The following GLI2 variants were observed in gnomAD, a reference collection of about 807,000 sequenced individuals.
GLI2 encodes the protein GLI family zinc finger 2, also known as transcription activator GLI2.
In GLI2, 22 loss-of-function variants were observed where a neutral mutation model predicts 78.9. The ratio of observed to expected loss-of-function variants is 0.28; its 90% CI spans 0.20 to 0.40. The LOEUF is 0.40. Ranked by LOEUF, GLI2 falls within the 10% of genes least tolerant of loss-of-function variation. The pLI is 1.00. For synonymous variants in GLI2, 974 were observed against 963.7 expected, an observed-to-expected ratio of 1.01 and a Z score of -0.20; for missense variants, 2,097 against 2,213.2, an observed-to-expected ratio of 0.95 and a Z score of 1.05.
intron 5 of GLI2, among the ~76,000 whole-genome samples, chr2:120,963,517 T>G (rs1054021230): frequency 6.6e-6 from 1 of 150,850 alleles, no homozygotes; most frequent in Admixed American, 6.6e-5. Context: ...CCACCTGGGG[T>G]GTGTGTGTAT....
intron 7 of GLI2, among the ~76,000 whole-genome samples, chr2:120,971,303 C>T (rs1440831652): frequency 2.0e-5 from 3 of 152,256 alleles, no homozygotes; most frequent in Non-Finnish European, 4.4e-5. Flanking sequence ...GCACTGACAA[C>T]GACAATGCCA....
intron 2 of GLI2, among the ~76,000 whole-genome samples, chr2:120,799,549 G>A (rs56379531): frequency 3.9e-5 from 6 of 152,308 alleles, no homozygotes; most frequent in Admixed American, 1.3e-4. Flanking sequence ...CCTGCGTGGC[G>A]CAAAGCAGGG....
chr2:120,965,838 T>C (rs1681825639), intron 5 of GLI2, among the ~76,000 whole-genome samples: 1 of 152,204 alleles, frequency 6.6e-6, no homozygotes, highest in South Asian at 2.1e-4. Context: ...GCAGGTGACC[T>C]AGGATCCTTC....
At chr2:120,935,876 T>C (rs1282528579) in intron 3 of GLI2, among the ~76,000 whole-genome samples, 1 of 152,176 alleles carries the variant, frequency 6.6e-6, no homozygotes, top group Admixed American at 6.5e-5. Flanking sequence ...TCTTTGATCT[T>C]TACTGAACGC....
intron 2 of GLI2, among the ~76,000 whole-genome samples, chr2:120,839,956 T>C (rs1033150273): frequency 7.9e-5 from 12 of 152,236 alleles, no homozygotes; most frequent in African/African-American, 2.9e-4. Flanking sequence ...TACAGGTTTC[T>C]TTTATAATGA....
At position 120,990,551 on chromosome 2, in the gene GLI2, C is replaced by A. The variant is rs776523101; in HGVS notation, c.4586C>A (p.Thr1529Asn). The change falls in exon 14 of 14, where the codon ACC becomes AAC. Residue 1529 changes from threonine to asparagine, a missense_variant. This residue lies in a region of GLI2 where 1,290 missense variants were observed against 1,261.7 expected (regional missense o/e 1.02). Transcript: ENST00000361492. ...TCCCAGAACTCCTCCCGCCTCACCA[C>A]CCCCCGAAACTCCTTGACCCTGCCC... ...SLSQNSSRLT[T>N]PRNSLTLPSI... 1.9e-6 allele frequency: 3 copies of A among 1,614,014 alleles called. No individual in the cohort carries two copies. The highest frequency in any genetic ancestry group is 2.2e-5 in the East Asian group (1 of 44,842).
chr2:120,749,171 T>C (rs923317235), intron 1 of GLI2, among the ~76,000 whole-genome samples: 1 of 152,254 alleles, frequency 6.6e-6, no homozygotes, highest in East Asian at 1.9e-4. Context: ...TGCCATTGTC[T>C]GTTTATTTGT....
At chr2:120,765,316 A>C (rs1573355847) in intron 1 of GLI2, among the ~76,000 whole-genome samples, 1 of 152,226 alleles carries the variant, frequency 6.6e-6, no homozygotes, top group Non-Finnish European at 1.5e-5. Flanking sequence ...TTCTAAGGAC[A>C]GGGTCTCCCT....
At chr2:120,755,266 ATAGT>A (rs1295675937) in intron 1 of GLI2, among the ~76,000 whole-genome samples, 2 of 152,228 alleles carry the variant, frequency 1.3e-5, no homozygotes, top group Non-Finnish European at 2.9e-5. Flanking sequence ...AATACTTGCA[ATAGT>A]TAGTCTTTTG....
rs56994654 is a variant in GLI2, at chr2:120,800,630, C to CG, written c.148+3162_148+3163insG. Among the ~76,000 whole-genome samples, 78,883 of 151,468 alleles carry CG rather than the reference C, an allele frequency of 0.52. 22,381 individuals carry two copies. The highest frequency in any genetic ancestry group is 0.7 in the South Asian group (3,345 of 4,790). ...ACGCCATTCTCCTGCCTCAGCCTCCCAGTAGCTGGGACTACAGGCACCCGC... is the reference window on the plus strand; with the variant it reads ...ACGCCATTCTCCTGCCTCAGCCTCCCGAGTAGCTGGGACTACAGGCACCCGC... On this transcript the variant is annotated intron_variant, in intron 2 of 13. Coordinates refer to ENST00000361492, the MANE Select transcript of GLI2 (RefSeq NM_001374353.1). The surrounding 1 kb of genome is among the most constrained non-coding windows in gnomAD (Gnocchi z 4.1).
At chr2:120,829,294 G>A (rs797006186) in intron 2 of GLI2, among the ~76,000 whole-genome samples, 2 of 152,186 alleles carry the variant, frequency 1.3e-5, no homozygotes, top group African/African-American at 4.8e-5. Context: ...TTCCATAAAC[G>A]ATCTCTTTCC....
chr2:120,796,727 C>T (rs926471718), intron 1 of GLI2, among the ~76,000 whole-genome samples: 72 of 152,244 alleles, frequency 4.7e-4, no homozygotes, highest in African/African-American at 1.6e-3. Context: ...CATATTGTAT[C>T]TTCCGCACCA....
chr2:120,919,625 G>A (rs1052189256), intron 2 of GLI2, among the ~76,000 whole-genome samples: 3 of 152,252 alleles, frequency 2.0e-5, no homozygotes, highest in Non-Finnish European at 4.4e-5. Flanking sequence ...CTCTCTCCAC[G>A]TGGCTCCAGC....
At chr2:120,925,797 G>T (rs1368984357) in intron 2 of GLI2, among the ~76,000 whole-genome samples, 2 of 152,196 alleles carry the variant, frequency 1.3e-5, no homozygotes, top group African/African-American at 4.8e-5. Flanking sequence ...AATGGGCCGG[G>T]CGTGGTGGCT....
At chr2:120,825,634 G>A (rs112702944) in intron 2 of GLI2, among the ~76,000 whole-genome samples, 4,313 of 151,962 alleles carry the variant, frequency 0.028, 203 homozygotes, top group African/African-American at 0.097. Context: ...CTGACTGTGA[G>A]CGTGCACCGG....
rs1682403895 is a variant in GLI2 at position 120,737,469 on chromosome 2, CCT to C, written c.-31+1185_-31+1186del. Among the ~76,000 whole-genome samples, 1 of 152,172 alleles carries C rather than the reference CCT, an allele frequency of 6.6e-6. No individual in the cohort carries two copies. Among genetic ancestry groups the C allele is most frequent in the Non-Finnish European group, 1.5e-5 (1 of 68,030 alleles). ...TCTTTTGTGTAATTGTTCTGTGGCT[CCT>C]AGAGTTGATCCCAGCTGGAAAAGTA... is the stretch of plus-strand genomic sequence containing the variant. On this transcript the variant is annotated intron_variant, in intron 1 of 13. Transcript: ENST00000361492. The surrounding 1 kb of genome is among the most constrained non-coding windows in gnomAD (Gnocchi z 4.3).
In GLI2 at chr2:120,989,520, G is replaced by A; in HGVS notation, c.3555G>A (p.Gln1185=). ...QASPGGLDST[Q]PHLQPRSGAP... The stretch of plus-strand genomic sequence containing the variant: ...GCCCTGGGGGCCTGGACAGCACGCA[G>A]CCACACCTGCAGCCCCGCAGCGGAG... Residue 1185 remains glutamine, a synonymous_variant, in exon 14 of 14, where the codon CAG becomes CAA. Coordinates refer to ENST00000361492, the MANE Select transcript of GLI2 (RefSeq NM_001374353.1). The A allele has an allele frequency of 3.7e-6, 6 of 1,612,298 alleles. No individual in the cohort carries two copies. Among genetic ancestry groups the A allele is most frequent in the Non-Finnish European group, 5.1e-6 (6 of 1,179,714 alleles).
rs201273354 is a variant in GLI2 at position 120,797,473 on chromosome 2, T to C, written c.148+5T>C. ...CAGCGGTAGCTGCCCAAGGAGGTAC[T>C]TTCTGTTTCGCACACTTGGAGGGCA... On this transcript the variant is annotated splice_donor_5th_base_variant and intron_variant, in intron 2 of 13. Coordinates refer to ENST00000361492, the MANE Select transcript of GLI2 (RefSeq NM_001374353.1). 1,542 of 1,613,442 alleles carry C rather than the reference T, an allele frequency of 9.6e-4. 4 individuals are homozygous for C. The highest frequency in any genetic ancestry group is 1.2e-3 in the Non-Finnish European group (1,460 of 1,179,504).
intron 1 of GLI2, among the ~76,000 whole-genome samples, chr2:120,777,150 CGTGT>C (rs1683704242): frequency 6.6e-6 from 1 of 152,108 alleles, no homozygotes; most frequent in Non-Finnish European, 1.5e-5. Flanking sequence ...TGGGAACCAG[CGTGT>C]GTCTTTAGGA....
Sources: gnomAD v4.1 joint callset for allele counts (sites outside exome capture counted in the v4.1 genomes callset) on GRCh38, gnomAD v4.1.1 for gene constraint, gnomAD v4.1.1 regional missense constraint, Gnocchi (gnomAD v3.1) non-coding constraint, MANE v1.5 for transcripts, NCBI Gene and HGNC (gene_info 2026-07-23, HGNC 2026-07-21) for gene names.